The following DISC1 variants were observed in gnomAD, a reference collection of about 807,000 sequenced individuals.
DISC1 encodes DISC1 scaffold protein, also known as disrupted in schizophrenia 1 protein.
Under a neutral mutation model 84.5 loss-of-function variants are expected in DISC1, and 57 were observed. The observed-to-expected ratio is 0.67, with a 90% CI of 0.55 to 0.84. DISC1 has a LOEUF of 0.84. Among genes scored for constraint, DISC1 ranks in the 40% least tolerant of loss-of-function variants. DISC1 has a pLI of 0.00. For synonymous variants in DISC1, 411 were observed against 415.2 expected, an observed-to-expected ratio of 0.99 and a Z score of 0.12; for missense variants, 1,000 against 1,057.8, an observed-to-expected ratio of 0.95 and a Z score of 0.76.
At chr1:232,006,900 C>G (rs1198076718) in intron 10 of DISC1, among the ~76,000 whole-genome samples, 1 of 152,114 alleles carries the variant, frequency 6.6e-6, no homozygotes, top group Non-Finnish European at 1.5e-5. Flanking sequence ...GGCCTTGCAG[C>G]TTTGTGCAGT....
At chr1:232,006,923 T>G (rs1667522115) in intron 10 of DISC1, among the ~76,000 whole-genome samples, 1 of 152,138 alleles carries the variant, frequency 6.6e-6, no homozygotes, top group Non-Finnish European at 1.5e-5. Flanking sequence ...CAGGACTTGG[T>G]GCCCTCTGTC....
chr1:231,759,366 A>C lies in DISC1; in HGVS notation c.1269-7774A>C, dbSNP rs141413988. Among the ~76,000 whole-genome samples the C allele has an allele frequency of 1.9e-3, 294 of 152,110 alleles. 3 individuals are homozygous for C. Among genetic ancestry groups the C allele is most frequent in the African/African-American group, 6.8e-3 (281 of 41,474 alleles). On this transcript the variant is annotated intron_variant, in intron 4 of 12. Coordinates refer to ENST00000439617, the MANE Select transcript of DISC1 (RefSeq NM_018662.3). The stretch of plus-strand genomic sequence containing the variant: ...ACAGACACATTTTACCCAGGATATA[A>C]AATGAGATGGCTATGATACAACATG...
At chr1:232,013,363 C>T (rs551746821) in intron 11 of DISC1, among the ~76,000 whole-genome samples, 3 of 152,156 alleles carry the variant, frequency 2.0e-5, no homozygotes, top group African/African-American at 4.8e-5. Context: ...CTGCAGTGAA[C>T]GGAATTAGCA....
chr1:231,765,607 A>G (rs528045230), intron 4 of DISC1, among the ~76,000 whole-genome samples: 78 of 152,232 alleles, frequency 5.1e-4, no homozygotes, highest in Non-Finnish European at 5.7e-4. Flanking sequence ...TTTCCTGCCC[A>G]CCTGCATTCC....
chr1:231,913,038 G>T (rs966987987), intron 9 of DISC1, among the ~76,000 whole-genome samples: 2 of 152,000 alleles, frequency 1.3e-5, no homozygotes, highest in Non-Finnish European at 1.5e-5. Flanking sequence ...CACCCAAGTA[G>T]CTGGGACCAC....
chr1:231,708,248 G>A (rs2067333125), intron 3 of DISC1, among the ~76,000 whole-genome samples: 1 of 152,100 alleles, frequency 6.6e-6, no homozygotes, highest in Non-Finnish European at 1.5e-5. Flanking sequence ...TTTAATGTTG[G>A]CAGGCACCAT....
At chr1:231,928,930 T>A (rs1398585287) in intron 9 of DISC1, among the ~76,000 whole-genome samples, 1 of 152,234 alleles carries the variant, frequency 6.6e-6, no homozygotes, top group Non-Finnish European at 1.5e-5. Context: ...GACAGTTTGT[T>A]ATGATTTCCG....
intron 3 of DISC1, among the ~76,000 whole-genome samples, chr1:231,727,134 G>A (rs2070828732): frequency 6.6e-6 from 1 of 152,036 alleles, no homozygotes; most frequent in Non-Finnish European, 1.5e-5. Flanking sequence ...GATGAACATA[G>A]CACATGATTA....
At chr1:231,846,964 A>G (rs1389737836) in intron 9 of DISC1, among the ~76,000 whole-genome samples, 1 of 152,240 alleles carries the variant, frequency 6.6e-6, no homozygotes, top group Non-Finnish European at 1.5e-5. Context: ...ACATGTACCA[A>G]TTAGAGAAGT....
At position 232,009,195 on chromosome 1, in the gene DISC1, A is replaced by G; in HGVS notation, c.2307+146A>G. 6.9e-7 allele frequency: 1 copy of G among 1,440,772 alleles called. No homozygotes were observed. The highest frequency in any genetic ancestry group is 1.5e-5 in the South Asian group (1 of 65,462). The allele number at this position is 1,440,772 out of a possible 1,614,324, so 89.2% of individuals were successfully genotyped here. On this transcript the variant is annotated intron_variant, in intron 11 of 12. Transcript: ENST00000439617. This position sits in a 1 kb window ranked among gnomAD's most constrained non-coding sequence, Gnocchi z 4.6. ...AAAGTTTCAATAACTCTTGAATATG[A>G]TTACAAAATAAAGTAGAATTTTTGT...
At chr1:231,811,898 C>A (rs1250274561) in intron 8 of DISC1, among the ~76,000 whole-genome samples, 1 of 152,182 alleles carries the variant, frequency 6.6e-6, no homozygotes, top group Non-Finnish European at 1.5e-5. Context: ...AAATCAAGGA[C>A]AATCATTAAG....
intron 9 of DISC1, among the ~76,000 whole-genome samples, chr1:231,852,799 C>T (rs1231304764): frequency 6.6e-6 from 1 of 152,194 alleles, no homozygotes; most frequent in Non-Finnish European, 1.5e-5. Context: ...GGTGGAGAAG[C>T]ACTGGTCAGA....
chr1:231,794,205 C>T (rs147773757), intron 6 of DISC1, among the ~76,000 whole-genome samples: 6 of 152,274 alleles, frequency 3.9e-5, no homozygotes, highest in Admixed American at 3.9e-4. Context: ...CTGTGAGAAC[C>T]ATTTGGTCCA....
At chr1:231,944,347 T>C (rs1284284837) in intron 9 of DISC1, among the ~76,000 whole-genome samples, 2 of 152,140 alleles carry the variant, frequency 1.3e-5, no homozygotes, top group Non-Finnish European at 2.9e-5. Context: ...TTCAGGTTTG[T>C]GGGGGCTAAA....
chr1:231,750,159 C>A, intron 4 of DISC1, 83 bp downstream of exon 4: 2 of 1,540,202 alleles, frequency 1.3e-6, no homozygotes, highest in Admixed American at 2.1e-5. Flanking sequence ...CTGGGAGGAG[C>A]TTAGCTGTAG....
chr1:231,755,983 G>A (rs1205752230), intron 4 of DISC1, among the ~76,000 whole-genome samples: 1 of 152,124 alleles, frequency 6.6e-6, no homozygotes, highest in Non-Finnish European at 1.5e-5. Flanking sequence ...ATGCTCAATG[G>A]CTCCCCATTG....
intron 9 of DISC1, among the ~76,000 whole-genome samples, chr1:231,862,285 A>C (rs889466380): frequency 5.3e-5 from 8 of 152,204 alleles, no homozygotes; most frequent in African/African-American, 1.7e-4. Flanking sequence ...CAGAGACGGA[A>C]TGCTGCCTCT....
At chr1:231,652,267 G>T (rs1212898332) in intron 1 of DISC1, among the ~76,000 whole-genome samples, 1 of 152,180 alleles carries the variant, frequency 6.6e-6, no homozygotes, top group Non-Finnish European at 1.5e-5. Flanking sequence ...GAATAACTGT[G>T]AAATGTGCAC....
chr1:231,950,402 T>C (rs776519724), intron 9 of DISC1, among the ~76,000 whole-genome samples: 30 of 152,192 alleles, frequency 2.0e-4, no homozygotes, highest in Non-Finnish European at 4.1e-4. Context: ...CTTTCAGTTA[T>C]ATGCGCCAGA....
Sources: allele counts gnomAD v4.1 joint callset (sites outside exome capture counted in the v4.1 genomes callset), GRCh38; gene constraint gnomAD v4.1.1; non-coding constraint Gnocchi (gnomAD v3.1); transcripts MANE v1.5; gene names NCBI Gene and HGNC (gene_info 2026-07-23, HGNC 2026-07-21).